The following HDAC8 variants were observed in gnomAD, a reference collection of about 807,000 sequenced individuals.
HDAC8 encodes the protein histone deacetylase 8.
Under a neutral mutation model 32.2 loss-of-function variants are expected in HDAC8, and 1 was observed. The ratio of observed to expected loss-of-function variants is 0.03; its 90% CI spans 0.01 to 0.15. HDAC8 has a LOEUF of 0.15. Among genes scored for constraint, HDAC8 ranks in the 10% least tolerant of loss-of-function variants. The pLI, the probability that HDAC8 is intolerant of heterozygous loss-of-function variation, is 1.00. For synonymous variants in HDAC8, 108 were observed against 113.9 expected (o/e 0.95, Z 0.33); for missense variants, 117 against 300.0 (o/e 0.39, Z 4.51).
chrX:72,451,544 A>C (rs1555987422), intron 9 of HDAC8, among the ~76,000 whole-genome samples: 2 of 112,588 alleles, frequency 1.8e-5, no homozygotes, highest in East Asian at 5.5e-4. Flanking sequence ...AGGTAGCCAG[A>C]GGGGAAAAGA....
intron 9 of HDAC8, among the ~76,000 whole-genome samples, chrX:72,386,269 T>C (rs144649009): frequency 0.019 from 2,164 of 111,662 alleles, 48 homozygotes; most frequent in African/African-American, 0.066. Flanking sequence ...TACAGTATGG[T>C]ACTATTTGTC....
intron 10 of HDAC8, among the ~76,000 whole-genome samples, chrX:72,341,160 C>A (rs1328209783): frequency 2.7e-5 from 3 of 111,835 alleles, no homozygotes; most frequent in Non-Finnish European, 1.9e-5. Context: ...GAGAAGTCTC[C>A]TCTGGCCCAG....
intron 9 of HDAC8, among the ~76,000 whole-genome samples, chrX:72,379,782 A>T (rs1387532638): frequency 3.6e-5 from 4 of 111,259 alleles, no homozygotes; most frequent in Admixed American, 9.6e-5. Context: ...GATTACAACC[A>T]TGAGCCACCA....
At chrX:72,461,198 T>C (rs1180473254) in intron 9 of HDAC8, among the ~76,000 whole-genome samples, 1 of 111,864 alleles carries the variant, frequency 8.9e-6, no homozygotes, top group Middle Eastern at 4.2e-3. Context: ...CTGCATGTAC[T>C]GGTTTGTTAT....
At chrX:72,393,542 A>T (rs782000749) in intron 9 of HDAC8, among the ~76,000 whole-genome samples, 2 of 111,920 alleles carry the variant, frequency 1.8e-5, no homozygotes, top group Admixed American at 9.5e-5. Flanking sequence ...AGGTCTCGCT[A>T]CGTCCCTCAG....
intron 7 of HDAC8, chrX:72,468,121 A>G: frequency 5.9e-6 from 5 of 849,248 alleles, no homozygotes; most frequent in Non-Finnish European, 6.4e-6. Flanking sequence ...AGAGGGCTGG[A>G]TTGTGAACAC....
At chrX:72,387,373 G>A (rs1424658834) in intron 9 of HDAC8, among the ~76,000 whole-genome samples, 1 of 112,371 alleles carries the variant, frequency 8.9e-6, no homozygotes, top group Non-Finnish European at 1.9e-5. Flanking sequence ...GAAAGATGGA[G>A]GCCAGCAGGG....
Position 72,571,186 on chromosome X carries a change from A to T in HDAC8, c.164+871T>A, listed in dbSNP as rs183595242. Among the ~76,000 whole-genome samples, 15 of 110,181 alleles carry T rather than the reference A, an allele frequency of 1.4e-4. No individual in the cohort carries two copies. In the East Asian group the frequency reaches 4.3e-3, roughly 32 times the overall value. On this transcript the variant is annotated intron_variant, in intron 2 of 10. Transcript: ENST00000373573. ...TGATCCGCCTGCCTCAGCCTCCCAA[A>T]GTACTAGGATTACAGGCGTGAGCCA...
At chrX:72,476,158 G>A (rs1556000453) in intron 7 of HDAC8, among the ~76,000 whole-genome samples, 2 of 111,121 alleles carry the variant, frequency 1.8e-5, no homozygotes, top group East Asian at 5.6e-4. Flanking sequence ...GTGTTTTCAT[G>A]GCACCTTACC....
At chrX:72,465,750 T>A (rs2048001534) in intron 7 of HDAC8, among the ~76,000 whole-genome samples, 1 of 111,526 alleles carries the variant, frequency 9.0e-6, no homozygotes, top group Non-Finnish European at 1.9e-5. Flanking sequence ...CATGTCAAAT[T>A]ACACCAGTGC....
intron 9 of HDAC8, among the ~76,000 whole-genome samples, chrX:72,394,390 C>T (rs2045700959): frequency 1.8e-5 from 2 of 112,082 alleles, no homozygotes; most frequent in South Asian, 7.5e-4. Context: ...CCTCTCACCA[C>T]AAAATTCTGT....
chrX:72,344,692 C>G (rs1168733499), intron 10 of HDAC8, among the ~76,000 whole-genome samples: 2 of 111,527 alleles, frequency 1.8e-5, no homozygotes, highest in Non-Finnish European at 3.8e-5. Flanking sequence ...CAGTCGGTAT[C>G]CAGGCTGGAA....
chrX:72,538,631 G>C (rs924784061), intron 4 of HDAC8, among the ~76,000 whole-genome samples: 2 of 111,899 alleles, frequency 1.8e-5, no homozygotes, highest in Admixed American at 9.5e-5. Flanking sequence ...AAAGTTGCCT[G>C]AGAAAAGATA....
At chrX:72,531,266 G>T (rs782187118) in intron 4 of HDAC8, among the ~76,000 whole-genome samples, 4 of 111,823 alleles carry the variant, frequency 3.6e-5, no homozygotes, top group Non-Finnish European at 7.5e-5. Context: ...TTTAACTGTG[G>T]AATTACTATA....
chrX:72,389,011 A>T (rs2045538545), intron 9 of HDAC8, among the ~76,000 whole-genome samples: 1 of 112,345 alleles, frequency 8.9e-6, no homozygotes, highest in African/African-American at 3.2e-5. Flanking sequence ...TAATACAATT[A>T]GTTTTAGCTA....
chrX:72,367,258 ATG>A (rs782804242), intron 9 of HDAC8, among the ~76,000 whole-genome samples: 59 of 112,236 alleles, frequency 5.3e-4, no homozygotes, highest in Non-Finnish European at 7.9e-4. Context: ...TGTCCTGTAA[ATG>A]TGTGAGTGCC....
intron 9 of HDAC8, among the ~76,000 whole-genome samples, chrX:72,363,904 A>G (rs782323318): frequency 8.9e-6 from 1 of 112,070 alleles, no homozygotes; most frequent in Non-Finnish European, 1.9e-5. Context: ...GAGATGGCAA[A>G]GAGATTTCAG....
At chrX:72,356,983 A>G (rs2147757839) in intron 9 of HDAC8, among the ~76,000 whole-genome samples, 1 of 110,768 alleles carries the variant, frequency 9.0e-6, no homozygotes, top group African/African-American at 3.3e-5. Context: ...TGAGGAGAGG[A>G]ATGCAAGTAG....
At chrX:72,501,366 A>T (rs1223273618) in intron 4 of HDAC8, among the ~76,000 whole-genome samples, 2 of 112,204 alleles carry the variant, frequency 1.8e-5, no homozygotes, top group Non-Finnish European at 1.9e-5. Context: ...CCCAACTTTG[A>T]ACTACACTAC....
Sources: gnomAD v4.1 joint callset for allele counts (sites outside exome capture counted in the v4.1 genomes callset) on GRCh38, gnomAD v4.1.1 for gene constraint, MANE v1.5 for transcripts, NCBI Gene and HGNC (gene_info 2026-07-23, HGNC 2026-07-21) for gene names.